NEK11: variants seen among roughly 807,000 people sequenced by gnomAD.
NEK11 encodes the protein NIMA related kinase 11, also known as serine/threonine-protein kinase Nek11.
Under a neutral mutation model 80.7 loss-of-function variants are expected in NEK11, and 72 were observed. That is an observed-to-expected ratio of 0.89 (90% CI 0.74 to 1.08). NEK11 has a LOEUF of 1.08. Among genes scored for constraint, NEK11 ranks in the 50% least tolerant of loss-of-function variants. The probability of loss-of-function intolerance (pLI) is 0.00; values close to 1 mark genes in which losing one functional copy is unlikely to be tolerated. For synonymous variants in NEK11, 251 were observed against 260.7 expected (o/e 0.96, Z 0.36); for missense variants, 764 against 763.6 (o/e 1.00, Z -0.01).
At chr3:131,334,617 C>G (rs1476005250) in intron 17 of NEK11, among the ~76,000 whole-genome samples, 4 of 151,114 alleles carry the variant, frequency 2.6e-5, no homozygotes, top group Non-Finnish European at 3.0e-5. Context: ...TAACTAAAAT[C>G]AGAGCAGAAC....
In NEK11 at chr3:131,080,498, C is replaced by G. The variant is rs981063839; in HGVS notation, c.246C>G (p.Leu82=). ...TACAGGCCAATTTGGAAGCCCAACT[C>G]CTCTCCAAGCTGGACCACCCAGCCA... The part of the protein sequence containing the change: ...ETVQANLEAQ[L]LSKLDHPAIV... The change falls in exon 4 of 18, where the codon CTC becomes CTG. Residue 82 remains leucine, a synonymous_variant. Transcript: ENST00000383366. The G allele has an allele frequency of 3.1e-6, 5 of 1,613,838 alleles. No homozygotes were observed. In the African/African-American group the frequency reaches 6.7e-5, roughly 22 times the overall value.
At chr3:131,271,172 T>C (rs1045196801) in intron 16 of NEK11, among the ~76,000 whole-genome samples, 7 of 152,048 alleles carry the variant, frequency 4.6e-5, no homozygotes, top group African/African-American at 1.4e-4. Flanking sequence ...GAAGGGGCAA[T>C]CTCCAGGAGT....
At chr3:131,216,813 G>A (rs1390750853) in intron 14 of NEK11, among the ~76,000 whole-genome samples, 1 of 152,216 alleles carries the variant, frequency 6.6e-6, no homozygotes, top group Non-Finnish European at 1.5e-5. Context: ...GCTGCTGCAT[G>A]CCTCCAGTCC....
At chr3:131,157,112 T>C (rs1023896404) in intron 10 of NEK11, among the ~76,000 whole-genome samples, 1 of 152,084 alleles carries the variant, frequency 6.6e-6, no homozygotes, top group East Asian at 1.9e-4. Context: ...ATGCTTAAAA[T>C]CCCTGGTAAC....
rs930804437 is a variant in NEK11 at position 131,185,661 on chromosome 3, A to T, written c.1399+14774A>T. Among the ~76,000 whole-genome samples the T allele has an allele frequency of 5.9e-5, 9 of 152,224 alleles. No individual in the cohort carries two copies. In the South Asian group the frequency reaches 6.2e-4, roughly 10 times the overall value. ...AAGCAGACTTCCACAGATGATTCAT[A>T]GATAGTGGTTCCTTTGAGCCATTCC... On this transcript the variant is annotated intron_variant, in intron 14 of 17. Transcript: ENST00000383366.
rs115231800 is a variant in NEK11 at position 131,125,538 on chromosome 3, G to A, written c.456-7207G>A. Among the ~76,000 whole-genome samples, 449 of 152,148 alleles carry A rather than the reference G, an allele frequency of 3.0e-3. 1 individual carries two copies. The highest frequency in any genetic ancestry group is 0.01 in the African/African-American group (433 of 41,486). ...ATTATAAATAATTCTTTAGTAAAGT[G>A]ACAGTGGTTAGGTTTCCCTTCTGCC... On this transcript the variant is annotated intron_variant, in intron 5 of 17. Transcript: ENST00000383366.
rs142580485 is a variant in NEK11 at position 131,249,284 on chromosome 3, G to A, written c.1621+5788G>A. Among the ~76,000 whole-genome samples the A allele has an allele frequency of 3.9e-4, 60 of 152,182 alleles. 1 individual carries two copies. Among genetic ancestry groups the A allele is most frequent in the African/African-American group, 1.2e-3 (50 of 41,544 alleles). On this transcript the variant is annotated intron_variant, in intron 16 of 17. Transcript: ENST00000383366. ...TATATAGGAAAGAAGGGAAGGTAAG[G>A]TGTAGGCTAGGAGAAGCAAGGCAAC... is the stretch of plus-strand genomic sequence containing the variant.
At chr3:131,151,830 A>G (rs576179652) in intron 7 of NEK11, among the ~76,000 whole-genome samples, 1 of 152,176 alleles carries the variant, frequency 6.6e-6, no homozygotes, top group East Asian at 1.9e-4. Context: ...CATACTCACC[A>G]TGGGAGAATT....
chr3:131,216,778 G>C (rs1244550729), intron 14 of NEK11, among the ~76,000 whole-genome samples: 1 of 152,222 alleles, frequency 6.6e-6, no homozygotes, highest in East Asian at 1.9e-4. Flanking sequence ...TTGAACATTG[G>C]TTTGAAACAT....
At chr3:131,282,041 A>C (rs1195018930) in intron 17 of NEK11, among the ~76,000 whole-genome samples, 1 of 152,226 alleles carries the variant, frequency 6.6e-6, no homozygotes, top group Non-Finnish European at 1.5e-5. Context: ...ACAGCTTTCC[A>C]GAAACCTTGC....
chr3:131,192,880 G>C (rs2093853558), intron 14 of NEK11, among the ~76,000 whole-genome samples: 1 of 152,072 alleles, frequency 6.6e-6, no homozygotes, highest in Non-Finnish European at 1.5e-5. Context: ...TTGCACAACA[G>C]TGTGATGGTG....
chr3:131,054,748 C>CTAAATAAATAAATAAA (rs538450777), intron 3 of NEK11, among the ~76,000 whole-genome samples: 9 of 132,692 alleles, frequency 6.8e-5, no homozygotes, highest in East Asian at 2.2e-4. Flanking sequence ...CAGCCTGCCT[C>CTAAATAAATAAATAAA]TAAATAAATA....
intron 17 of NEK11, among the ~76,000 whole-genome samples, chr3:131,292,093 T>C (rs1048033863): frequency 2.6e-5 from 4 of 152,234 alleles, no homozygotes; most frequent in Non-Finnish European, 4.4e-5. Flanking sequence ...AGATAATTCT[T>C]GTGAAGGGTG....
chr3:131,147,302 A>G (rs1300615800), intron 7 of NEK11, among the ~76,000 whole-genome samples: 4 of 152,004 alleles, frequency 2.6e-5, no homozygotes, highest in African/African-American at 9.7e-5. Context: ...CAATTGGCCC[A>G]GCATAATTTG....
At chr3:131,183,643 C>T (rs1423560220) in intron 14 of NEK11, among the ~76,000 whole-genome samples, 5 of 152,210 alleles carry the variant, frequency 3.3e-5, no homozygotes, top group Non-Finnish European at 5.9e-5. Flanking sequence ...GCATAGTATT[C>T]CATGGTGTAT....
chr3:131,207,001 A>G (rs959142593), intron 14 of NEK11, among the ~76,000 whole-genome samples: 7 of 152,036 alleles, frequency 4.6e-5, no homozygotes, highest in African/African-American at 1.7e-4. Context: ...TGAACTCATC[A>G]TTTTTTATGG....
chr3:131,284,383 C>T (rs528829851), intron 17 of NEK11, among the ~76,000 whole-genome samples: 1 of 152,306 alleles, frequency 6.6e-6, no homozygotes, highest in African/African-American at 2.4e-5. Context: ...CTTCTACAAA[C>T]TCTTGGGTGC....
chr3:131,201,208 C>T (rs1285257181), intron 14 of NEK11, among the ~76,000 whole-genome samples: 2 of 147,446 alleles, frequency 1.4e-5, no homozygotes, highest in Admixed American at 6.8e-5. Flanking sequence ...TATATATATA[C>T]TTTCATATAT....
In NEK11 at chr3:131,054,294, C is replaced by G. The variant is rs143935412; in HGVS notation, c.170+24416C>G. Among the ~76,000 whole-genome samples the G allele has an allele frequency of 2.1e-4, 32 of 151,942 alleles. No individual in the cohort carries two copies. The East Asian group carries it at 6.0e-3, about 29-fold the overall frequency. ...TGCAGTGAGCTGAGCTCATGCCATT[C>G]TGGCCTGGGTGACAGAACCAGACCT... On this transcript the variant is annotated intron_variant, in intron 3 of 17. Coordinates refer to ENST00000383366, the MANE Select transcript of NEK11 (RefSeq NM_024800.5).
Sources: gnomAD v4.1 joint callset for allele counts (sites outside exome capture counted in the v4.1 genomes callset) on GRCh38, gnomAD v4.1.1 for gene constraint, MANE v1.5 for transcripts, NCBI Gene and HGNC (gene_info 2026-07-23, HGNC 2026-07-21) for gene names.